Variants in SHPRH observed in about 807,000 individuals in gnomAD.
SHPRH encodes the protein E3 ubiquitin-protein ligase SHPRH.
A neutral mutation model predicts 202.5 loss-of-function variants in SHPRH; 106 were observed. The ratio of observed to expected loss-of-function variants is 0.52; its 90% CI spans 0.45 to 0.62. SHPRH has a LOEUF of 0.62. Among genes scored for constraint, SHPRH ranks in the 20% least tolerant of loss-of-function variants. The pLI, the probability that SHPRH is intolerant of heterozygous loss-of-function variation, is 0.00. For missense variants in SHPRH, 1,710 were observed against 2,020.0 expected, an observed-to-expected ratio of 0.85 and a Z score of 2.94; for synonymous variants, 729 against 686.0, an observed-to-expected ratio of 1.06 and a Z score of -0.98.
intron 25 of SHPRH, among the ~76,000 whole-genome samples, chr6:145,898,775 C>A (rs1782234122): frequency 6.6e-6 from 1 of 152,130 alleles, no homozygotes; most frequent in Non-Finnish European, 1.5e-5. Context: ...GGGCCATCTC[C>A]TTGAACTTCC....
At chr6:145,881,636 CTT>C (rs1562277048), downstream of SHPRH, 1 of 152,060 alleles carries the variant, frequency 6.6e-6, no homozygotes, top group South Asian at 2.1e-4. Flanking sequence ...ACCTGTGGAC[CTT>C]TTTTCCTTTC....
rs758226498 is a variant in SHPRH at position 145,913,466 on chromosome 6, T to C, written c.4326+12A>G. ...ATTTTATAAATGCATGTGATGTTTA[T>C]CATAATTTTACCTGTTTTCCTAGCT... On this transcript the variant is annotated intron_variant, in intron 24 of 29. Coordinates refer to ENST00000275233, the MANE Select transcript of SHPRH (RefSeq NM_001042683.3). 3.1e-6 allele frequency: 5 copies of C among 1,601,222 alleles called. No homozygotes were observed. In the East Asian group the frequency reaches 9.0e-5, roughly 29 times the overall value.
intron 25 of SHPRH, chr6:145,908,516 T>C (rs1165228123): frequency 2.0e-5 from 3 of 152,296 alleles, no homozygotes; most frequent in African/African-American, 7.2e-5. Context: ...CGATGATCAG[T>C]GATGAACTTT....
At chr6:145,936,986 T>G (rs1278201642) in intron 11 of SHPRH, among the ~76,000 whole-genome samples, 1 of 147,862 alleles carries the variant, frequency 6.8e-6, no homozygotes, top group Admixed American at 6.7e-5. Context: ...ATCTTTTTTT[T>G]TTTTTTTTTT....
chr6:145,875,721 A>G (rs1780270906), intron 2 of SHPRH, among the ~76,000 whole-genome samples: 1 of 152,314 alleles, frequency 6.6e-6, no homozygotes, highest in Middle Eastern at 3.4e-3. Context: ...ATGTTTAACA[A>G]CTTTATGCAT....
rs775539950 is a variant in SHPRH, at chr6:145,910,656, A to G, written c.4327-20T>C. 1 of 1,587,208 alleles carries G rather than the reference A, an allele frequency of 6.3e-7. No individual in the cohort carries two copies. The highest frequency in any genetic ancestry group is 1.1e-5 in the South Asian group (1 of 87,600). On this transcript the variant is annotated intron_variant, in intron 24 of 29. Transcript: ENST00000275233. ...CGCCCACTAAAAAGAAAACAGAACA[A>G]GCCTTAGTGCTATCAAAGATGCCTT...
chr6:145,913,120 A>G (rs1783645637), intron 24 of SHPRH, among the ~76,000 whole-genome samples: 1 of 152,136 alleles, frequency 6.6e-6, no homozygotes, highest in African/African-American at 2.4e-5. Flanking sequence ...ACCTTAAGTA[A>G]ATCTATGTGT....
At chr6:145,924,221 C>G (rs1310274218) in intron 17 of SHPRH, among the ~76,000 whole-genome samples, 1 of 151,838 alleles carries the variant, frequency 6.6e-6, no homozygotes, top group Non-Finnish European at 1.5e-5. Context: ...AATTATATCC[C>G]AGAATACTAA....
At chr6:145,872,461 G>A (rs577116025) in intron 2 of SHPRH, among the ~76,000 whole-genome samples, 20 of 152,258 alleles carry the variant, frequency 1.3e-4, no homozygotes, top group African/African-American at 4.6e-4. Context: ...CTAATTATTA[G>A]ATAAATGCAA....
intron 26 of SHPRH, 52 bp from the exon 27 acceptor site, chr6:145,894,288 T>C: frequency 7.5e-7 from 1 of 1,326,316 alleles, no homozygotes; most frequent in Non-Finnish European, 1.0e-6. Flanking sequence ...AGCCTTTATC[T>C]AAGGGTATCT....
At chr6:145,888,674 G>A (rs1781321749) in intron 28 of SHPRH, among the ~76,000 whole-genome samples, 1 of 152,148 alleles carries the variant, frequency 6.6e-6, no homozygotes, top group South Asian at 2.1e-4. Flanking sequence ...ATGATTTGAT[G>A]TATACCTGAC....
intron 18 of SHPRH, 125 bp downstream of exon 18, chr6:145,923,518 T>C: frequency 1.7e-6 from 2 of 1,158,716 alleles, no homozygotes; most frequent in Non-Finnish European, 2.4e-6. Context: ...AGTATGAATG[T>C]GTCTGTATAG....
intron 28 of SHPRH, among the ~76,000 whole-genome samples, chr6:145,889,853 AG>A (rs769534659): frequency 6.6e-6 from 1 of 152,186 alleles, no homozygotes; most frequent in Non-Finnish European, 1.5e-5. Flanking sequence ...TTGAAAGAAA[AG>A]GGACACTTCT....
At chr6:145,901,738 AAC>A (rs145487385) in intron 25 of SHPRH, among the ~76,000 whole-genome samples, 6,048 of 152,164 alleles carry the variant, frequency 0.04, 399 homozygotes, top group African/African-American at 0.13. Context: ...AGTTGTACTT[AAC>A]TATAAGCACC....
intron 26 of SHPRH, 103 bp from the exon 27 acceptor site, chr6:145,894,339 A>G (rs1455030765): frequency 1.2e-6 from 1 of 823,280 alleles, no homozygotes; most frequent in Non-Finnish European, 1.7e-6. Flanking sequence ...ACTGGAGTTA[A>G]GAAAATAAAA....
chr6:145,942,475 T>A (rs921331156), intron 9 of SHPRH, among the ~76,000 whole-genome samples: 2 of 152,202 alleles, frequency 1.3e-5, no homozygotes, highest in African/African-American at 2.4e-5. Context: ...CAGCAAAAAT[T>A]GTTTTGCTTA....
downstream of SHPRH, among the ~76,000 whole-genome samples, chr6:145,882,934 A>G (rs1780688213): frequency 6.6e-6 from 1 of 152,218 alleles, no homozygotes; most frequent in Non-Finnish European, 1.5e-5. Flanking sequence ...GTGTGCATAT[A>G]CAAATCACAG....
intron 14 of SHPRH, among the ~76,000 whole-genome samples, chr6:145,928,747 C>T (rs1387781444): frequency 1.3e-5 from 2 of 151,790 alleles, no homozygotes; most frequent in Non-Finnish European, 2.9e-5. Context: ...GCTCTTATAC[C>T]ATTGCTTTAT....
intron 14 of SHPRH, among the ~76,000 whole-genome samples, chr6:145,932,091 T>G (rs530641741): frequency 4.4e-4 from 67 of 152,288 alleles, no homozygotes; most frequent in Non-Finnish European, 7.1e-4. Flanking sequence ...TAAGTGAATT[T>G]TCTATATTAG....
Sources: gnomAD v4.1 joint callset for allele counts (sites outside exome capture counted in the v4.1 genomes callset) on GRCh38, gnomAD v4.1.1 for gene constraint, MANE v1.5 for transcripts, NCBI Gene and HGNC (gene_info 2026-07-23, HGNC 2026-07-21) for gene names.